DESI2: variants seen among roughly 807,000 people sequenced by gnomAD.
DESI2 encodes desumoylating isopeptidase 2.
Under a neutral mutation model 24.1 loss-of-function variants are expected in DESI2, and 10 were observed. The observed-to-expected ratio is 0.41, with a 90% CI of 0.26 to 0.70. The LOEUF (loss-of-function observed/expected upper bound fraction) is 0.70. Ranked by LOEUF, DESI2 falls within the 30% of genes least tolerant of loss-of-function variation. The pLI is 0.29. For missense variants in DESI2, 122 were observed against 234.9 expected (o/e 0.52, Z 3.14); for synonymous variants, 71 against 87.7 (o/e 0.81, Z 1.06).
At chr1:244,694,809 T>C in intron 4 of DESI2, 1 of 535,570 alleles carries the variant, frequency 1.9e-6, no homozygotes, top group Non-Finnish European at 3.3e-6. Context: ...CTTGACTGCT[T>C]TCCGGCTGCA....
At chr1:244,694,340 G>A (rs1573223231) in intron 4 of DESI2, 4 of 540,430 alleles carry the variant, frequency 7.4e-6, no homozygotes, top group East Asian at 4.5e-5. Context: ...ATGGTGACAT[G>A]TATAAATTAT....
chr1:244,697,455 T>C (rs778004228), intron 4 of DESI2, among the ~76,000 whole-genome samples: 16 of 134,992 alleles, frequency 1.2e-4, no homozygotes, highest in Non-Finnish European at 1.8e-4. Flanking sequence ...CCAACCTGGG[T>C]GACAGAGGGA....
chr1:244,658,364 C>T (rs772834168), intron 1 of DESI2, among the ~76,000 whole-genome samples: 8 of 152,202 alleles, frequency 5.3e-5, no homozygotes, highest in Non-Finnish European at 1.0e-4. Context: ...TTTATGCATG[C>T]CCATCCTTCT....
At chr1:244,697,243 C>T (rs1026093888) in intron 4 of DESI2, among the ~76,000 whole-genome samples, 2 of 152,088 alleles carry the variant, frequency 1.3e-5, no homozygotes, top group African/African-American at 2.4e-5. Flanking sequence ...CACGGTGGCT[C>T]ATGCCTGTAA....
At chr1:244,682,225 C>T (rs1573206718) in intron 1 of DESI2, among the ~76,000 whole-genome samples, 1 of 152,260 alleles carries the variant, frequency 6.6e-6, no homozygotes, top group East Asian at 1.9e-4. Flanking sequence ...CTTATTTGGC[C>T]ACACCCGCAT....
chr1:244,675,331 G>A (rs748213981), intron 1 of DESI2, among the ~76,000 whole-genome samples: 4 of 151,822 alleles, frequency 2.6e-5, no homozygotes, highest in Non-Finnish European at 5.9e-5. Flanking sequence ...TGTTGCTTTT[G>A]CTTTTGGTGT....
At chr1:244,676,112 T>C (rs568539933) in intron 1 of DESI2, among the ~76,000 whole-genome samples, 126 of 151,858 alleles carry the variant, frequency 8.3e-4, no homozygotes, top group African/African-American at 3.0e-3. Context: ...AGTCTTGCTC[T>C]GTCTCCCAGG....
chr1:244,664,881 C>G (rs1349256542), intron 1 of DESI2, among the ~76,000 whole-genome samples: 1 of 152,102 alleles, frequency 6.6e-6, no homozygotes, highest in African/African-American at 2.4e-5. Flanking sequence ...CTAGATTTTT[C>G]CTTGCAAAAA....
At chr1:244,664,630 C>T (rs577881399) in intron 1 of DESI2, among the ~76,000 whole-genome samples, 50 of 152,258 alleles carry the variant, frequency 3.3e-4, no homozygotes, top group African/African-American at 1.0e-3. Context: ...CCCAGAAGGT[C>T]GAGGCTGCAG....
At chr1:244,665,140 A>G (rs867370670) in intron 1 of DESI2, among the ~76,000 whole-genome samples, 3 of 151,976 alleles carry the variant, frequency 2.0e-5, no homozygotes, top group Non-Finnish European at 2.9e-5. Context: ...CAGTTTTGAT[A>G]TTGAATCTTC....
At chr1:244,673,989 C>CTTTTTT (rs143887006) in intron 1 of DESI2, among the ~76,000 whole-genome samples, 3 of 73,206 alleles carry the variant, frequency 4.1e-5, no homozygotes, top group African/African-American at 1.6e-4. Flanking sequence ...ACTTCTGTCT[C>CTTTTTT]TTTTTTTTTT....
rs759868917 is a variant in DESI2, at chr1:244,691,850, TTC to T, written c.210-25_210-24del. 10 of 1,527,718 alleles carry T rather than the reference TTC, an allele frequency of 6.5e-6. No homozygotes were observed. In the African/African-American group the frequency reaches 7.0e-5, roughly 11 times the overall value. 94.6% of individuals were successfully genotyped at this position (1,527,718 alleles called of 1,614,324 possible). On this transcript the variant is annotated intron_variant, in intron 3 of 4. Coordinates refer to ENST00000302550, the MANE Select transcript of DESI2 (RefSeq NM_016076.5). Reference sequence around the variant, plus strand: ...GACACAACTATGTCCTTATTTTTCTTTCTCTTTTTTTTCTTTTTGTTCTTTAA... The same window carrying T: ...GACACAACTATGTCCTTATTTTTCTTTCTTTTTTTTCTTTTTGTTCTTTAA...
intron 4 of DESI2, among the ~76,000 whole-genome samples, chr1:244,705,248 C>T (rs935527187): frequency 2.0e-5 from 3 of 152,168 alleles, no homozygotes; most frequent in Non-Finnish European, 4.4e-5. Flanking sequence ...AAGTACTTTT[C>T]AGTGTGTCTC....
intron 1 of DESI2, among the ~76,000 whole-genome samples, chr1:244,666,031 A>G (rs1676031947): frequency 6.6e-6 from 1 of 152,178 alleles, no homozygotes; most frequent in African/African-American, 2.4e-5. Context: ...TGTGACCACA[A>G]ACCCCAAGAG....
chr1:244,655,173 G>A (rs911024926), intron 1 of DESI2, among the ~76,000 whole-genome samples: 2 of 152,200 alleles, frequency 1.3e-5, no homozygotes, highest in East Asian at 1.9e-4. Context: ...ATTGACTAAT[G>A]AGCGAGATCT....
chr1:244,702,922 C>T (rs1263734819), intron 4 of DESI2, among the ~76,000 whole-genome samples: 2 of 151,492 alleles, frequency 1.3e-5, no homozygotes. Context: ...TCATGACTTA[C>T]ATGATTAACC....
intron 1 of DESI2, among the ~76,000 whole-genome samples, chr1:244,667,622 A>C (rs1333057111): frequency 6.6e-6 from 1 of 152,252 alleles, no homozygotes; most frequent in Admixed American, 6.5e-5. Context: ...TCCAGGTTGT[A>C]CCACAAACTG....
intron 1 of DESI2, among the ~76,000 whole-genome samples, chr1:244,655,673 G>C (rs1021869183): frequency 6.6e-6 from 1 of 152,208 alleles, no homozygotes; most frequent in Non-Finnish European, 1.5e-5. Context: ...TGTAGGATCA[G>C]GGAATGCTGA....
At chr1:244,661,893 A>G (rs1296064817) in intron 1 of DESI2, among the ~76,000 whole-genome samples, 3 of 152,360 alleles carry the variant, frequency 2.0e-5, no homozygotes, top group Admixed American at 6.5e-5. Flanking sequence ...TCTTTATAGC[A>G]GCATGATTTA....
Sources: allele counts gnomAD v4.1 joint callset (sites outside exome capture counted in the v4.1 genomes callset), GRCh38; gene constraint gnomAD v4.1.1; transcripts MANE v1.5; gene names NCBI Gene and HGNC (gene_info 2026-07-23, HGNC 2026-07-21).